TRAP1: variants seen among roughly 807,000 people sequenced by gnomAD.
The protein encoded by TRAP1 is TNF receptor associated protein 1, also known as heat shock protein 75 kDa, mitochondrial.
TRAP1 carries 102 observed loss-of-function variants against 89.1 expected under a neutral mutation model. That is an observed-to-expected ratio of 1.15 (90% confidence interval 0.98 to 1.35). The LOEUF (loss-of-function observed/expected upper bound fraction) is 1.35. Among genes scored for constraint, TRAP1 ranks in the 40% most tolerant of loss-of-function variants. The pLI is 0.00. For synonymous variants in TRAP1, 508 were observed against 388.0 expected (o/e 1.31, Z -3.64); for missense variants, 1,256 against 945.3 (o/e 1.33, Z -4.31).
intron 14 of TRAP1, 166 bp downstream of exon 14, chr16:3,663,258 G>T (rs1226644849): frequency 4.5e-6 from 4 of 887,016 alleles, no homozygotes; most frequent in Admixed American, 2.9e-5. Context: ...ATCTAAACCA[G>T]GAGGCACCTT....
chr16:3,662,542 C>T (rs970612477), intron 15 of TRAP1: 1 of 551,242 alleles, frequency 1.8e-6, no homozygotes, highest in South Asian at 1.8e-5. Context: ...ACTAAGCACC[C>T]AAGTGAGCAT....
At chr16:3,694,264 C>T (rs1309880171) in intron 1 of TRAP1, among the ~76,000 whole-genome samples, 2 of 152,154 alleles carry the variant, frequency 1.3e-5, no homozygotes, top group Non-Finnish European at 2.9e-5. Flanking sequence ...TGCAGTGTGA[C>T]CTCATCACAA....
At chr16:3,665,432 G>A (rs1049723441) in intron 12 of TRAP1, 3 of 154,354 alleles carry the variant, frequency 1.9e-5, no homozygotes, top group Admixed American at 1.9e-4. Flanking sequence ...TGCTATGTAA[G>A]TTGTATCTCA....
intron 7 of TRAP1, 25 bp from the exon 8 acceptor site, chr16:3,675,422 C>T: frequency 1.2e-6 from 2 of 1,612,376 alleles, no homozygotes; most frequent in South Asian, 2.2e-5. Context: ...AGAAAAACCA[C>T]ACTGCATCTA....
At chr16:3,660,764 C>A (rs568053613) in intron 16 of TRAP1, 1 of 152,144 alleles carries the variant, frequency 6.6e-6, no homozygotes, top group African/African-American at 2.4e-5. Flanking sequence ...TACTAAAGAA[C>A]AAAACAAAAA....
chr16:3,660,836 A>ATTGT (rs1345151189), intron 16 of TRAP1: 3 of 152,204 alleles, frequency 2.0e-5, no homozygotes, highest in African/African-American at 4.8e-5. Context: ...AGGCAGGTGG[A>ATTGT]TTGTTTGAGG....
chr16:3,659,749 T>TTTAAA lies in TRAP1; in HGVS notation c.1941-885_1941-884insTTTAA, dbSNP rs1272532360. 3 of 140,358 alleles carry TTTAAA rather than the reference T, an allele frequency of 2.1e-5. No homozygotes were observed. The Admixed American group carries it at 2.2e-4, about 10-fold the overall frequency. The allele number at this position is 140,358 out of a possible 1,614,324, so 8.7% of individuals were successfully genotyped here. On this transcript the variant is annotated intron_variant, in intron 16 of 17. Coordinates refer to ENST00000246957, the MANE Select transcript of TRAP1 (RefSeq NM_016292.3). ...TGCATCCCTTTAAACACTTTTTTTT[T>TTTAAA]TAGATAGATAGATAGATAGATAGAT...
chr16:3,668,033 A>G (rs1011598840), intron 11 of TRAP1, among the ~76,000 whole-genome samples: 1 of 150,628 alleles, frequency 6.6e-6, no homozygotes, highest in Non-Finnish European at 1.5e-5. Context: ...GGTTCAAGCA[A>G]TTCTCTGCCT....
chr16:3,710,681 T>C (rs1212067832), intron 1 of TRAP1, among the ~76,000 whole-genome samples: 2 of 152,156 alleles, frequency 1.3e-5, no homozygotes, highest in Non-Finnish European at 2.9e-5. Flanking sequence ...AACATGGCAA[T>C]GTGCTGTCTT....
chr16:3,675,177 C>T, intron 8 of TRAP1, 147 bp downstream of exon 8: 1 of 720,728 alleles, frequency 1.4e-6, no homozygotes. Context: ...GCCCCTGTCT[C>T]ATCCCCACAC....
intron 1 of TRAP1, 76 bp downstream of exon 1, chr16:3,717,345 C>T (rs550443630): frequency 4.6e-4 from 266 of 576,250 alleles, no homozygotes; most frequent in Middle Eastern, 1.6e-3. Context: ...GCGCCTCGCT[C>T]CCCGGAGCAC....
intron 13 of TRAP1, 143 bp from the exon 14 acceptor site, chr16:3,663,705 A>G (rs1567223031): frequency 1.0e-6 from 1 of 1,001,948 alleles, no homozygotes; most frequent in Admixed American, 2.7e-5. Context: ...CTAGGCCTGC[A>G]TGACAGTTAC....
Position 3,662,231 on chromosome 16 carries a change from G to T in TRAP1, c.1795-99C>A, listed in dbSNP as rs1001951310. ...TGAAGGTCACCCAGACCACGAGGTA[G>T]CAGGCGGGGTCTCAAGGACTCCCCT... On this transcript the variant is annotated intron_variant, in intron 15 of 17. Transcript: ENST00000246957. The T allele has an allele frequency of 1.5e-5, 22 of 1,452,622 alleles. No individual in the cohort carries two copies. The South Asian group carries it at 2.7e-4, about 18-fold the overall frequency. 90.0% of individuals were successfully genotyped at this position (1,452,622 alleles called of 1,614,324 possible). A position where few individuals can be genotyped will look rare whatever the true frequency, so the allele number is the denominator to read the frequency against.
intron 15 of TRAP1, chr16:3,662,422 A>G: frequency 1.8e-6 from 1 of 559,082 alleles, no homozygotes; most frequent in South Asian, 2.1e-5. Context: ...CCCACCCTGC[A>G]TGAGGCCCCT....
In TRAP1 at chr16:3,671,880, C is replaced by T. The variant is rs111845316; in HGVS notation, c.1166-89G>A. The T allele has an allele frequency of 1.4e-5, 20 of 1,411,318 alleles. No individual in the cohort carries two copies. The African/African-American group carries it at 1.8e-4, about 13-fold the overall frequency. The allele number at this position is 1,411,318 out of a possible 1,614,324, so 87.4% of individuals were successfully genotyped here. A position where few individuals can be genotyped will look rare whatever the true frequency, so the allele number is the denominator to read the frequency against. On this transcript the variant is annotated intron_variant, in intron 10 of 17. Coordinates refer to ENST00000246957, the MANE Select transcript of TRAP1 (RefSeq NM_016292.3). ...ATTAACCTGCCCTTTGTCTTCAGGCCTGGCCTTCAACCCAGCACGTGTGCT... is the reference window on the plus strand; with the variant it reads ...ATTAACCTGCCCTTTGTCTTCAGGCTTGGCCTTCAACCCAGCACGTGTGCT...
intron 7 of TRAP1, among the ~76,000 whole-genome samples, chr16:3,675,813 G>C (rs1187171067): frequency 6.6e-6 from 1 of 152,208 alleles, no homozygotes; most frequent in Non-Finnish European, 1.5e-5. Context: ...AGGAGGAGGA[G>C]GTCCGCCTCA....
At position 3,663,717 on chromosome 16, in the gene TRAP1, A is replaced by G. The variant is rs76345172; in HGVS notation, c.1570-155T>C. The G allele has an allele frequency of 7.6e-3, 6,507 of 855,504 alleles. 286 individuals carry two copies. In the African/African-American group the frequency reaches 0.097, roughly 13 times the overall value. 53.0% of individuals were successfully genotyped at this position (855,504 alleles called of 1,614,324 possible). On this transcript the variant is annotated intron_variant, in intron 13 of 17. Coordinates refer to ENST00000246957, the MANE Select transcript of TRAP1 (RefSeq NM_016292.3). Reference sequence around the variant, plus strand: ...TTCCTAGGCCTGCATGACAGTTACTACGACACCTGGGTCTAAGGAAGGCTC... The same window carrying G: ...TTCCTAGGCCTGCATGACAGTTACTGCGACACCTGGGTCTAAGGAAGGCTC...
chr16:3,667,879 C>T (rs1408799507), intron 11 of TRAP1, among the ~76,000 whole-genome samples: 1 of 149,408 alleles, frequency 6.7e-6, no homozygotes, highest in Non-Finnish European at 1.5e-5. Flanking sequence ...CTGCCTCAGC[C>T]TCCCAAGTAG....
chr16:3,682,366 C>T (rs113004010), intron 4 of TRAP1, among the ~76,000 whole-genome samples: 1 of 104,990 alleles, frequency 9.5e-6, no homozygotes, highest in East Asian at 2.7e-4. Context: ...GCCTGGGCCA[C>T]AAAGCAAGAC....
Sources: gnomAD v4.1 joint callset for allele counts (sites outside exome capture counted in the v4.1 genomes callset) on GRCh38, gnomAD v4.1.1 for gene constraint, MANE v1.5 for transcripts, NCBI Gene and HGNC (gene_info 2026-07-23, HGNC 2026-07-21) for gene names.